The following HK3 variants were observed in gnomAD, a reference collection of about 807,000 sequenced individuals.
The protein encoded by HK3 is hexokinase-3.
Under a neutral mutation model 91.0 loss-of-function variants are expected in HK3, and 93 were observed. That is an observed-to-expected ratio of 1.02 (90% CI 0.86 to 1.21). HK3 has a LOEUF of 1.21. Among genes scored for constraint, HK3 ranks in the 50% most tolerant of loss-of-function variants. The probability of loss-of-function intolerance (pLI) is 0.00; values close to 1 mark genes in which losing one functional copy is unlikely to be tolerated. For synonymous variants in HK3, 519 were observed against 516.9 expected (o/e 1.00, Z -0.06); for missense variants, 1,235 against 1,247.4 (o/e 0.99, Z 0.15).
At position 176,888,843 on chromosome 5, in the gene HK3, G is replaced by A. The variant is rs755268835; in HGVS notation, c.936C>T (p.Gly312=). 1 of 1,614,046 alleles carries A rather than the reference G, an allele frequency of 6.2e-7. No individual in the cohort carries two copies. Among genetic ancestry groups the A allele is most frequent in the African/African-American group, 1.3e-5 (1 of 75,056 alleles). ...GAQRFEKMIG[G]LYLGELVRLV... Reference sequence around the variant, plus strand: ...GCCGCACCAGCTCACCCAGGTACAGGCCTCCGATCATCTTCTCAAACCTGC... The same window carrying A: ...GCCGCACCAGCTCACCCAGGTACAGACCTCCGATCATCTTCTCAAACCTGC... Residue 312 remains glycine, a synonymous_variant, in exon 9 of 19, where the codon GGC becomes GGT. Coordinates refer to ENST00000292432, the MANE Select transcript of HK3 (RefSeq NM_002115.3).
intron 15 of HK3, 58 bp downstream of exon 15, chr5:176,883,712 A>C: frequency 7.4e-7 from 1 of 1,353,570 alleles, no homozygotes; most frequent in African/African-American, 1.4e-5. Context: ...CAGAGGAATC[A>C]ACAGAAGGCA....
chr5:176,888,837 G>C lies in HK3; in HGVS notation c.942C>G (p.Tyr314Ter), dbSNP rs1758677693. 1 of 1,614,148 alleles carries C rather than the reference G, an allele frequency of 6.2e-7. No homozygotes were observed. Among genetic ancestry groups the C allele is most frequent in the South Asian group, 1.1e-5 (1 of 91,090 alleles). Residue 314 changes from tyrosine (Y) to a stop codon, truncating the protein, a stop_gained, in exon 9 of 19, where the codon TAC becomes TAG. Coordinates refer to ENST00000292432, the MANE Select transcript of HK3 (RefSeq NM_002115.3). LOFTEE classifies it high-confidence loss of function. ...QRFEKMIGGL[Y>*]LGELVRLVLA... ...GCACCAGCCGCACCAGCTCACCCAG[G>C]TACAGGCCTCCGATCATCTTCTCAA...
In HK3 at chr5:176,887,764, T is replaced by A. The variant is rs1338110968; in HGVS notation, c.1305-18A>T. Reference sequence around the variant, plus strand: ...TGCAGAACCTACAGATACATACAGGTGCACCCGGCTTGGCCCTGGACCCCC... The same window carrying A: ...TGCAGAACCTACAGATACATACAGGAGCACCCGGCTTGGCCCTGGACCCCC... On this transcript the variant is annotated intron_variant, in intron 10 of 18. Coordinates refer to ENST00000292432, the MANE Select transcript of HK3 (RefSeq NM_002115.3). This position sits in a 1 kb window ranked among gnomAD's most constrained non-coding sequence, Gnocchi z 4.9. The A allele has an allele frequency of 1.3e-6, 2 of 1,585,746 alleles. No individual in the cohort carries two copies. Among genetic ancestry groups the A allele is most frequent in the Non-Finnish European group, 1.7e-6 (2 of 1,162,040 alleles).
rs150727699 is a variant in HK3 at position 176,888,759 on chromosome 5, G to A, written c.1020C>T (p.Ala340=). ...GVLFGGCTSP[A]LLSQGSILLE... ...GGAGGATGCTGCCTTGGCTCAGCAGGGCAGGGGAGGTGCAGCCACCAAAGA... is the reference window on the plus strand; with the variant it reads ...GGAGGATGCTGCCTTGGCTCAGCAGAGCAGGGGAGGTGCAGCCACCAAAGA... The change falls in exon 9 of 19, where the codon GCC becomes GCT. Residue 340 remains alanine (A), a synonymous_variant. Coordinates refer to ENST00000292432, the MANE Select transcript of HK3 (RefSeq NM_002115.3). 27 of 1,614,208 alleles carry A rather than the reference G, an allele frequency of 1.7e-5. No individual in the cohort carries two copies. The African/African-American group carries it at 3.3e-4, about 20-fold the overall frequency.
At chr5:176,888,889 G>C in intron 8 of HK3, 25 bp from the exon 9 acceptor site, 1 of 1,606,196 alleles carries the variant, frequency 6.2e-7, no homozygotes, top group Non-Finnish European at 8.5e-7. Flanking sequence ...GGTGGCTGGA[G>C]GAAGCCTTTT....
intron 10 of HK3, 24 bp downstream of exon 10, chr5:176,888,308 A>G: frequency 6.5e-7 from 1 of 1,532,834 alleles, no homozygotes; most frequent in Non-Finnish European, 8.8e-7. Context: ...CCAACTAATC[A>G]TGCGGATCAC....
chr5:176,881,609 T>C (rs1011379555), intron 17 of HK3, 74 bp from the exon 18 acceptor site: 2 of 1,590,574 alleles, frequency 1.3e-6, no homozygotes, highest in South Asian at 1.1e-5. Flanking sequence ...AGAGCAGACC[T>C]CGTCACCACC....
chr5:176,881,640 A>G (rs549172284), intron 17 of HK3, 52 bp downstream of exon 17: 11 of 1,607,372 alleles, frequency 6.8e-6, no homozygotes, highest in African/African-American at 6.7e-5. Context: ...AATCCCCCAC[A>G]GTGGACAGAA....
intron 16 of HK3, 31 bp from the exon 17 acceptor site, chr5:176,881,878 G>A (rs774997908): frequency 9.3e-6 from 15 of 1,611,830 alleles, no homozygotes; most frequent in Non-Finnish European, 1.3e-5. Context: ...TCGGCAGAAG[G>A]CCCCACCAGC....
Position 176,888,831 on chromosome 5 carries a change from A to G in HK3, c.948T>C (p.Gly316=), listed in dbSNP as rs747387360. ...FEKMIGGLYL[G]ELVRLVLAHL... is the part of the protein sequence containing the mutation. ...GAGCCAGCACCAGCCGCACCAGCTC[A>G]CCCAGGTACAGGCCTCCGATCATCT... Residue 316 remains glycine, a synonymous_variant, in exon 9 of 19, where the codon GGT becomes GGC. Transcript: ENST00000292432. 24 of 1,613,964 alleles carry G rather than the reference A, an allele frequency of 1.5e-5. No homozygotes were observed. The highest frequency in any genetic ancestry group is 1.2e-5 in the Non-Finnish European group (14 of 1,180,002).
intron 15 of HK3, 174 bp from the exon 16 acceptor site, chr5:176,882,301 G>A: frequency 1.4e-6 from 1 of 695,742 alleles, no homozygotes; most frequent in Non-Finnish European, 2.4e-6. Context: ...TGCAGACCCT[G>A]CCAGCTCCAA....
chr5:176,884,248 A>G lies in HK3; in HGVS notation c.1858-114T>C. The G allele has an allele frequency of 1.2e-6, 1 of 858,884 alleles. No individual in the cohort carries two copies. Among genetic ancestry groups the G allele is most frequent in the South Asian group, 1.4e-5 (1 of 69,712 alleles). 53.2% of individuals were successfully genotyped at this position (858,884 alleles called of 1,614,324 possible). On this transcript the variant is annotated intron_variant, in intron 13 of 18. Transcript: ENST00000292432. This position sits in a 1 kb window ranked among gnomAD's most constrained non-coding sequence, Gnocchi z 4.1. ...TAGGCTTTCCACCCTCCCCAAGCAC[A>G]ATTCCTTGCCTACTTTGCTGTATGG... is the stretch of plus-strand genomic sequence containing the variant.
Position 176,882,083 on chromosome 5 carries a change from C to T in HK3, c.2098G>A (p.Ala700Thr), listed in dbSNP as rs375907484. The change falls in exon 16 of 19, where the codon GCG becomes ACG. Residue 700 changes from alanine to threonine, a missense_variant. Coordinates refer to ENST00000292432, the MANE Select transcript of HK3 (RefSeq NM_002115.3). The part of the protein sequence containing the change: ...ACYMEELRNV[A>T]GVPGDSGRMC... ...CGGCCTGAGTCCCCAGGCACGCCCG[C>T]CACATTCCGGAGCTCCTCCATGTAG... 11 of 1,613,054 alleles carry T rather than the reference C, an allele frequency of 6.8e-6. No individual in the cohort carries two copies. Among genetic ancestry groups the T allele is most frequent in the South Asian group, 3.3e-5 (3 of 91,088 alleles).
chr5:176,887,252 G>A lies in HK3; in HGVS notation c.1686C>T (p.Thr562=), dbSNP rs1010169578. 2 of 1,614,078 alleles carry A rather than the reference G, an allele frequency of 1.2e-6. No individual in the cohort carries two copies. The highest frequency in any genetic ancestry group is 2.7e-5 in the African/African-American group (2 of 75,040). ...LVRVTTGVQI[T]SEIYSIPETV... ...TCTCGGGAATGGAGTAGATCTCGCTGGTGATCTGCACGCCTGTGGTCACAC... is the reference window on the plus strand; with the variant it reads ...TCTCGGGAATGGAGTAGATCTCGCTAGTGATCTGCACGCCTGTGGTCACAC... Residue 562 remains threonine (T), a synonymous_variant, in exon 12 of 19, where the codon ACC becomes ACT. Coordinates refer to ENST00000292432, the MANE Select transcript of HK3 (RefSeq NM_002115.3). The surrounding 1 kb of genome is among the most constrained non-coding windows in gnomAD (Gnocchi z 4.9).
Position 176,881,299 on chromosome 5 carries a change from C to T in HK3, c.2627+3G>A, listed in dbSNP as rs750547677. On this transcript the variant is annotated splice_donor_region_variant and intron_variant, in intron 18 of 18. Coordinates refer to ENST00000292432, the MANE Select transcript of HK3 (RefSeq NM_002115.3). ...CCTCCCCAGCCCGCACACCCAGACT[C>T]ACCGCGGGTGCAGCTTGTAGAGCGT... is the stretch of plus-strand genomic sequence containing the variant. The T allele has an allele frequency of 3.1e-6, 5 of 1,613,752 alleles. No individual in the cohort carries two copies. Among genetic ancestry groups the T allele is most frequent in the African/African-American group, 2.7e-5 (2 of 75,046 alleles).
chr5:176,893,630 G>A (rs1344949225), intron 2 of HK3, among the ~76,000 whole-genome samples: 1 of 152,226 alleles, frequency 6.6e-6, no homozygotes, highest in Non-Finnish European at 1.5e-5. Flanking sequence ...GTGCCATTGG[G>A]ATGGGAGGGG....
At chr5:176,897,808 T>G (rs1758943052) in intron 1 of HK3, among the ~76,000 whole-genome samples, 1 of 152,208 alleles carries the variant, frequency 6.6e-6, no homozygotes, top group Non-Finnish European at 1.5e-5. Flanking sequence ...TCCCAAGGTT[T>G]CATTAATAGC....
At position 176,884,091 on chromosome 5, in the gene HK3, C is replaced by A. The variant is rs377598932; in HGVS notation, c.1901G>T (p.Cys634Phe). 5.0e-6 allele frequency: 8 copies of A among 1,614,166 alleles called. No individual in the cohort carries two copies. The highest frequency in any genetic ancestry group is 5.9e-6 in the Non-Finnish European group (7 of 1,180,038). The change falls in exon 14 of 19, where the codon TGC (cysteine) becomes TTC (phenylalanine). Residue 634 changes from cysteine to phenylalanine, a missense_variant. By Grantham distance (205) the Cys-to-Phe change is radical (BLOSUM62 -2). Transcript: ENST00000292432. This position sits in a 1 kb window ranked among gnomAD's most constrained non-coding sequence, Gnocchi z 4.1. Reference sequence around the variant, plus strand: ...CAGACTCACGACATCTTGGCCCTCGCAGTCTGATGCCTTGAAACCCTTGGT... The same window carrying A: ...CAGACTCACGACATCTTGGCCCTCGAAGTCTGATGCCTTGAAACCCTTGGT... The part of the protein sequence containing the change: ...NWTKGFKASD[C>F]EGQDVVSLLR...
Position 176,890,633 on chromosome 5 carries a change from A to C in HK3, c.630+2T>G, listed in dbSNP as rs1412495822. The C allele has an allele frequency of 3.7e-6, 6 of 1,612,860 alleles. No homozygotes were observed. The highest frequency in any genetic ancestry group is 5.1e-6 in the Non-Finnish European group (6 of 1,179,442). The stretch of plus-strand genomic sequence containing the variant: ...CCTCCTGTCACCCCTCCCTCCACTC[A>C]CCCCCTGCCTCCGAATGGCATCTCT... On this transcript the variant is annotated splice_donor_variant, in intron 6 of 18. Transcript: ENST00000292432. LOFTEE classifies it high-confidence loss of function.
Sources: allele counts gnomAD v4.1 joint callset (sites outside exome capture counted in the v4.1 genomes callset), GRCh38; gene constraint gnomAD v4.1.1; non-coding constraint Gnocchi (gnomAD v3.1); transcripts MANE v1.5; gene names NCBI Gene and HGNC (gene_info 2026-07-23, HGNC 2026-07-21).